The following PTPRD variants were observed in gnomAD, a reference collection of about 807,000 sequenced individuals.
The protein encoded by PTPRD is receptor-type tyrosine-protein phosphatase delta.
A neutral mutation model predicts 214.5 loss-of-function variants in PTPRD; 34 were observed. The ratio of observed to expected loss-of-function variants is 0.16; its 90% CI spans 0.12 to 0.21. The LOEUF (loss-of-function observed/expected upper bound fraction) is 0.21. Ranked by LOEUF, PTPRD falls within the 10% of genes least tolerant of loss-of-function variation. The pLI is 1.00. For synonymous variants in PTPRD, 1,128 were observed against 845.7 expected (o/e 1.33, Z -5.79); for missense variants, 2,545 against 2,398.7 (o/e 1.06, Z -1.27).
At chr9:9,634,454 C>T (rs2095690206) in intron 7 of PTPRD, among the ~76,000 whole-genome samples, 4 of 152,088 alleles carry the variant, frequency 2.6e-5, no homozygotes, top group African/African-American at 9.7e-5. Context: ...ATAATTTATA[C>T]AATCCATGAG....
chr9:9,971,749 C>T (rs1195109201), intron 4 of PTPRD, among the ~76,000 whole-genome samples: 1 of 152,120 alleles, frequency 6.6e-6, no homozygotes, highest in East Asian at 1.9e-4. Flanking sequence ...TAATCTATGA[C>T]TCATGTAACA....
chr9:9,246,391 T>TATAC (rs2099973079), intron 9 of PTPRD, among the ~76,000 whole-genome samples: 1 of 152,088 alleles, frequency 6.6e-6, no homozygotes, highest in African/African-American at 2.4e-5. Flanking sequence ...CAGATTAGCT[T>TATAC]ATACATACAC....
At chr9:10,200,242 T>C (rs906309479) in intron 3 of PTPRD, among the ~76,000 whole-genome samples, 2 of 152,080 alleles carry the variant, frequency 1.3e-5, no homozygotes, top group African/African-American at 4.8e-5. Context: ...TATCCATCTA[T>C]TTTTTAAATC....
At chr9:9,154,419 C>T (rs2099879470) in intron 10 of PTPRD, among the ~76,000 whole-genome samples, 1 of 125,588 alleles carries the variant, frequency 8.0e-6, no homozygotes, top group Non-Finnish European at 1.6e-5. Context: ...CTCTTTCTGG[C>T]TTGCAGAGGG....
chr9:9,096,333 C>A (rs961504102), intron 10 of PTPRD, among the ~76,000 whole-genome samples: 1 of 152,072 alleles, frequency 6.6e-6, no homozygotes, highest in African/African-American at 2.4e-5. Context: ...TGTTGTAGAC[C>A]TTAAATATAC....
chr9:8,690,996 A>C (rs1324059427), intron 12 of PTPRD, among the ~76,000 whole-genome samples: 1 of 152,200 alleles, frequency 6.6e-6, no homozygotes, highest in Non-Finnish European at 1.5e-5. Context: ...ATTTCACAAA[A>C]GTAAGCCTCT....
In PTPRD at chr9:8,316,752, G is replaced by C. The variant is rs894091694; in HGVS notation, c.*1122C>G. 1 of 230,806 alleles carries C rather than the reference G, an allele frequency of 4.3e-6. No individual in the cohort carries two copies. Among genetic ancestry groups the C allele is most frequent in the Non-Finnish European group, 8.6e-6 (1 of 116,674 alleles). 14.3% of individuals were successfully genotyped at this position (230,806 alleles called of 1,614,324 possible). On this transcript the variant is annotated 3_prime_UTR_variant, in exon 46 of 46. Transcript: ENST00000381196. The stretch of plus-strand genomic sequence containing the variant: ...GGTAGATTAGGTAGGAAATCAGGGG[G>C]TGAGGTTTGACAATCAATCACTGAT...
chr9:9,671,515 C>T (rs1296984535), intron 7 of PTPRD, among the ~76,000 whole-genome samples: 1 of 151,946 alleles, frequency 6.6e-6, no homozygotes, highest in Non-Finnish European at 1.5e-5. Context: ...TTGGAGGGGC[C>T]AGGGGCAGAA....
At chr9:10,449,070 C>T (rs1003705341) in intron 2 of PTPRD, among the ~76,000 whole-genome samples, 19 of 151,432 alleles carry the variant, frequency 1.3e-4, no homozygotes, top group Non-Finnish European at 5.9e-5. Context: ...CCACTTTCCA[C>T]GGTCTCCCTC....
chr9:8,637,326 A>G (rs1033918866), intron 12 of PTPRD, among the ~76,000 whole-genome samples: 7 of 152,186 alleles, frequency 4.6e-5, no homozygotes, highest in African/African-American at 1.7e-4. Flanking sequence ...GACAAGAAAT[A>G]TCGCCCTGAA....
intron 9 of PTPRD, among the ~76,000 whole-genome samples, chr9:9,187,610 C>G (rs2099932433): frequency 2.0e-5 from 3 of 151,964 alleles, no homozygotes; most frequent in Admixed American, 2.0e-4. Flanking sequence ...TTCCCTCTCT[C>G]TCTCTCTCAA....
At chr9:9,499,490 G>A (rs1182926809) in intron 8 of PTPRD, among the ~76,000 whole-genome samples, 1 of 151,982 alleles carries the variant, frequency 6.6e-6, no homozygotes, top group African/African-American at 2.4e-5. Context: ...TATCATATTT[G>A]TGAGTTATTT....
At chr9:9,577,774 G>T (rs1217544749) in intron 7 of PTPRD, among the ~76,000 whole-genome samples, 1 of 151,838 alleles carries the variant, frequency 6.6e-6, no homozygotes, top group Non-Finnish European at 1.5e-5. Flanking sequence ...GTCCGGGCAC[G>T]GTGGCTCACG....
chr9:8,314,440 T>C lies in PTPRD; in HGVS notation c.*3434A>G, dbSNP rs970179091. The stretch of plus-strand genomic sequence containing the variant: ...AATTGTATTTTTTAACAAGCCATTT[T>C]ACAAGTTATTTGTTTTAATTTTTCA... On this transcript the variant is annotated 3_prime_UTR_variant, in exon 46 of 46. Transcript: ENST00000381196. The C allele has an allele frequency of 7.4e-5, 17 of 230,986 alleles. No homozygotes were observed. Among genetic ancestry groups the C allele is most frequent in the African/African-American group, 3.8e-4 (17 of 45,182 alleles). The allele number at this position is 230,986 out of a possible 1,614,324, so 14.3% of individuals were successfully genotyped here. A position where few individuals can be genotyped will look rare whatever the true frequency, so the allele number is the denominator to read the frequency against.
chr9:8,989,340 C>T (rs997377869), intron 11 of PTPRD, among the ~76,000 whole-genome samples: 1 of 152,070 alleles, frequency 6.6e-6, no homozygotes, highest in African/African-American at 2.4e-5. Flanking sequence ...TACCCCTTAA[C>T]CAATTTCTCT....
chr9:8,666,943 C>G (rs557092896), intron 12 of PTPRD, among the ~76,000 whole-genome samples: 40 of 152,278 alleles, frequency 2.6e-4, no homozygotes, highest in Admixed American at 1.8e-3. Context: ...TTATCTCTAA[C>G]AAGACACAAG....
At chr9:10,488,974 T>C (rs926011289) in intron 2 of PTPRD, among the ~76,000 whole-genome samples, 5 of 152,110 alleles carry the variant, frequency 3.3e-5, no homozygotes, top group Non-Finnish European at 7.4e-5. Flanking sequence ...TGGTACCTAA[T>C]GTGCAAGACA....
At chr9:9,940,357 T>A (rs754759244) in intron 4 of PTPRD, among the ~76,000 whole-genome samples, 29 of 152,216 alleles carry the variant, frequency 1.9e-4, no homozygotes, top group Non-Finnish European at 2.6e-4. Flanking sequence ...GAAGCCTGAG[T>A]GCTTTGGAGC....
At chr9:9,481,244 G>T (rs1222432046) in intron 8 of PTPRD, among the ~76,000 whole-genome samples, 1 of 152,140 alleles carries the variant, frequency 6.6e-6, no homozygotes, top group Non-Finnish European at 1.5e-5. Flanking sequence ...CAGACTTGGT[G>T]AGGTAGAAGC....
Sources: allele counts gnomAD v4.1 joint callset (sites outside exome capture counted in the v4.1 genomes callset), GRCh38; gene constraint gnomAD v4.1.1; transcripts MANE v1.5; gene names NCBI Gene and HGNC (gene_info 2026-07-23, HGNC 2026-07-21).